Variants in PRKG1 observed in about 807,000 individuals in gnomAD.
PRKG1 encodes protein kinase cGMP-dependent 1, also known as cGMP-dependent protein kinase 1.
A neutral mutation model predicts 88.1 loss-of-function variants in PRKG1; 35 were observed. That is an observed-to-expected ratio of 0.40 (90% CI 0.30 to 0.53). The LOEUF is 0.53. Ranked by LOEUF, PRKG1 falls within the 20% of genes least tolerant of loss-of-function variation. The pLI, the probability that PRKG1 is intolerant of heterozygous loss-of-function variation, is 0.59. For missense variants in PRKG1, 540 were observed against 839.8 expected, an observed-to-expected ratio of 0.64 and a Z score of 4.41; for synonymous variants, 303 against 292.5, an observed-to-expected ratio of 1.04 and a Z score of -0.37.
At chr10:51,445,712 C>T (rs1839253375) in intron 2 of PRKG1, among the ~76,000 whole-genome samples, 2 of 151,690 alleles carry the variant, frequency 1.3e-5, no homozygotes, top group Admixed American at 1.3e-4. Context: ...CATTTTATAA[C>T]ATTGTGTTGG....
intron 7 of PRKG1, among the ~76,000 whole-genome samples, chr10:52,074,057 T>G (rs1846570945): frequency 6.6e-6 from 1 of 152,244 alleles, no homozygotes; most frequent in South Asian, 2.1e-4. Flanking sequence ...TTGAATTTAC[T>G]TAATAATCTT....
intron 2 of PRKG1, among the ~76,000 whole-genome samples, chr10:51,370,991 C>A (rs934283118): frequency 6.6e-6 from 1 of 152,094 alleles, no homozygotes; most frequent in African/African-American, 2.4e-5. Context: ...CCTACACCCT[C>A]TATATTCCAG....
chr10:52,117,578 C>T (rs537980856), intron 7 of PRKG1, among the ~76,000 whole-genome samples: 1 of 152,146 alleles, frequency 6.6e-6, no homozygotes, highest in Admixed American at 6.5e-5. Flanking sequence ...CCTCAGCAGC[C>T]TCTCTACTCG....
At chr10:51,124,816 G>A (rs1271248216) in intron 1 of PRKG1, among the ~76,000 whole-genome samples, 1 of 152,148 alleles carries the variant, frequency 6.6e-6, no homozygotes, top group East Asian at 1.9e-4. Flanking sequence ...TACCCATCCA[G>A]TTTGCATATC....
intron 9 of PRKG1, among the ~76,000 whole-genome samples, chr10:52,181,235 C>T (rs1839017089): frequency 6.6e-6 from 1 of 152,040 alleles, no homozygotes; most frequent in South Asian, 2.1e-4. Flanking sequence ...AGGCCTAGAA[C>T]ATGGGCACAT....
intron 9 of PRKG1, among the ~76,000 whole-genome samples, chr10:52,239,393 T>C (rs1242409560): frequency 6.7e-6 from 1 of 148,456 alleles, no homozygotes; most frequent in Admixed American, 6.7e-5. Flanking sequence ...TTTAATTGGT[T>C]ATGGTTTTTA....
At chr10:52,076,606 C>A (rs1846635566) in intron 7 of PRKG1, among the ~76,000 whole-genome samples, 1 of 152,196 alleles carries the variant, frequency 6.6e-6, no homozygotes, top group South Asian at 2.1e-4. Flanking sequence ...TGAAGAATTT[C>A]TGTTTTTTGA....
chr10:51,164,664 A>G (rs893207200), intron 2 of PRKG1, among the ~76,000 whole-genome samples: 2 of 152,126 alleles, frequency 1.3e-5, no homozygotes, highest in African/African-American at 4.8e-5. Context: ...AATTTAGACG[A>G]ATGTATAACT....
At chr10:51,627,177 G>A (rs1398305713) in intron 3 of PRKG1, among the ~76,000 whole-genome samples, 2 of 152,112 alleles carry the variant, frequency 1.3e-5, no homozygotes, top group Non-Finnish European at 2.9e-5. Context: ...TTGGAGGAGA[G>A]AGAGAAGGAA....
At chr10:51,127,872 A>G (rs1845470556) in intron 1 of PRKG1, among the ~76,000 whole-genome samples, 2 of 152,188 alleles carry the variant, frequency 1.3e-5, no homozygotes, top group South Asian at 4.1e-4. Flanking sequence ...AAAACCAAAC[A>G]CCACATGTTC....
intron 7 of PRKG1, among the ~76,000 whole-genome samples, chr10:52,106,482 G>A (rs571132356): frequency 4.3e-4 from 65 of 152,050 alleles, no homozygotes; most frequent in Middle Eastern, 6.8e-3. Context: ...TAAATCCTTC[G>A]GGAACAGCAT....
At chr10:51,612,797 A>G (rs926634121) in intron 3 of PRKG1, among the ~76,000 whole-genome samples, 40 of 151,936 alleles carry the variant, frequency 2.6e-4, no homozygotes, top group Admixed American at 2.0e-3. Context: ...TGTTGTTTTT[A>G]TGCCTCATTT....
intron 9 of PRKG1, among the ~76,000 whole-genome samples, chr10:52,228,553 C>A (rs146862905): frequency 6.6e-6 from 1 of 152,196 alleles, no homozygotes; most frequent in Non-Finnish European, 1.5e-5. Flanking sequence ...CTCTTCTATG[C>A]GTTTCCTGTT....
At chr10:51,232,383 G>C (rs1838866873) in intron 2 of PRKG1, among the ~76,000 whole-genome samples, 1 of 152,184 alleles carries the variant, frequency 6.6e-6, no homozygotes, top group African/African-American at 2.4e-5. Context: ...TTTGGTTACT[G>C]AAGGAGCAGC....
At chr10:51,228,881 A>G (rs1365855669) in intron 2 of PRKG1, among the ~76,000 whole-genome samples, 1 of 152,052 alleles carries the variant, frequency 6.6e-6, no homozygotes, top group Non-Finnish European at 1.5e-5. Flanking sequence ...CATTTTCTCT[A>G]TCCCTGTTGT....
chr10:51,402,829 A>G (rs2132670974), intron 2 of PRKG1, among the ~76,000 whole-genome samples: 1 of 152,312 alleles, frequency 6.6e-6, no homozygotes, highest in Non-Finnish European at 1.5e-5. Flanking sequence ...GCAAATTGCA[A>G]GGACAACTCC....
chr10:51,860,721 T>A (rs914237973), intron 4 of PRKG1, among the ~76,000 whole-genome samples: 1 of 152,126 alleles, frequency 6.6e-6, no homozygotes, highest in African/African-American at 2.4e-5. Flanking sequence ...AAAATAGAAA[T>A]AAGGACTTTG....
At chr10:52,100,364 C>T (rs1340688089) in intron 7 of PRKG1, among the ~76,000 whole-genome samples, 1 of 152,232 alleles carries the variant, frequency 6.6e-6, no homozygotes, top group Non-Finnish European at 1.5e-5. Flanking sequence ...GAGTTAGAAG[C>T]ATGGCCACCT....
Position 51,807,323 on chromosome 10 carries a change from T to A in PRKG1, c.698+2633T>A, listed in dbSNP as rs180897581. ...AATGTAGGAACCTTGTAAGTGCAGG[T>A]CCTATTCTTCGGTACAAGTCACACA... On this transcript the variant is annotated intron_variant, in intron 4 of 17. Coordinates refer to ENST00000373980, the MANE Select transcript of PRKG1 (RefSeq NM_006258.4). 3.9e-5 allele frequency among the ~76,000 whole-genome samples: 6 copies of A among 152,222 alleles called. No homozygotes were observed. In the East Asian group the frequency reaches 1.2e-3, roughly 30 times the overall value.
Sources: allele counts gnomAD v4.1 joint callset (sites outside exome capture counted in the v4.1 genomes callset), GRCh38; gene constraint gnomAD v4.1.1; transcripts MANE v1.5; gene names NCBI Gene and HGNC (gene_info 2026-07-23, HGNC 2026-07-21).